CR1L: variants seen among roughly 807,000 people sequenced by gnomAD.
The protein encoded by CR1L is complement component receptor 1-like protein.
Under a neutral mutation model 62.3 loss-of-function variants are expected in CR1L, and 59 were observed. The ratio of observed to expected loss-of-function variants is 0.95; its 90% CI spans 0.77 to 1.18. The LOEUF (loss-of-function observed/expected upper bound fraction) is 1.18. Ranked by LOEUF, CR1L falls within the 50% of genes most tolerant of loss-of-function variation. The pLI is 0.00. For missense variants in CR1L, 700 were observed against 702.8 expected (o/e 1.00, Z 0.04); for synonymous variants, 279 against 248.7 (o/e 1.12, Z -1.15).
chr1:207,671,669 A>G (rs559251652), intron 1 of CR1L, among the ~76,000 whole-genome samples: 1 of 151,062 alleles, frequency 6.6e-6, no homozygotes, highest in Non-Finnish European at 1.5e-5. Context: ...GCTCACACCT[A>G]TAATCCCAGC....
chr1:207,705,233 G>C (rs1279669643), intron 9 of CR1L, among the ~76,000 whole-genome samples: 2 of 152,144 alleles, frequency 1.3e-5, no homozygotes, highest in African/African-American at 4.8e-5. Flanking sequence ...ATTGGATTAG[G>C]GCCTACCTTA....
chr1:207,693,273 AT>A (rs1664023805), intron 4 of CR1L, among the ~76,000 whole-genome samples: 1 of 152,058 alleles, frequency 6.6e-6, no homozygotes, highest in South Asian at 2.1e-4. Context: ...CTGTGCCACT[AT>A]TCCTGGCTAA....
intron 9 of CR1L, among the ~76,000 whole-genome samples, chr1:207,706,601 C>A (rs1413752475): frequency 6.6e-6 from 1 of 151,870 alleles, no homozygotes; most frequent in South Asian, 2.1e-4. Context: ...ATGTAATACC[C>A]GCAAAAGAAA....
At chr1:207,647,711 T>C (rs993714619) in intron 1 of CR1L, among the ~76,000 whole-genome samples, 1 of 152,172 alleles carries the variant, frequency 6.6e-6, no homozygotes, top group South Asian at 2.1e-4. Context: ...ATGCTCAGGA[T>C]GGTCTTTCTG....
intron 9 of CR1L, among the ~76,000 whole-genome samples, chr1:207,706,248 C>T (rs1342007914): frequency 3.3e-5 from 5 of 151,534 alleles, no homozygotes; most frequent in African/African-American, 1.2e-4. Flanking sequence ...GGCAAAACCC[C>T]ATCTCTACAA....
chr1:207,656,549 C>G (rs1359175386), intron 1 of CR1L, among the ~76,000 whole-genome samples: 1 of 151,926 alleles, frequency 6.6e-6, no homozygotes, highest in Non-Finnish European at 1.5e-5. Context: ...TTAATTGGCT[C>G]GTGATTCTAC....
chr1:207,685,299 G>T (rs537109367), intron 4 of CR1L, among the ~76,000 whole-genome samples: 2 of 152,320 alleles, frequency 1.3e-5, no homozygotes, highest in East Asian at 3.9e-4. Context: ...TTCCTCAAGA[G>T]AATCCAGTCT....
chr1:207,720,380 G>T (rs550030614), intron 11 of CR1L, among the ~76,000 whole-genome samples: 1 of 152,290 alleles, frequency 6.6e-6, no homozygotes, highest in South Asian at 2.1e-4. Flanking sequence ...GGGATAGATT[G>T]CTTAAGATAC....
intron 9 of CR1L, among the ~76,000 whole-genome samples, chr1:207,703,631 A>C (rs1388452157): frequency 6.6e-6 from 1 of 152,236 alleles, no homozygotes; most frequent in Non-Finnish European, 1.5e-5. Flanking sequence ...TCTGCAGCCC[A>C]TGGCTGAGCA....
intron 10 of CR1L, chr1:207,708,867 T>A (rs1222145032): frequency 2.5e-6 from 1 of 406,812 alleles, no homozygotes; most frequent in Non-Finnish European, 4.9e-6. Flanking sequence ...GGAACAAACT[T>A]TGTAGAAGGG....
intron 1 of CR1L, 99 bp downstream of exon 1, chr1:207,645,429 C>T (rs1663104973): frequency 7.4e-7 from 1 of 1,352,448 alleles, no homozygotes. Flanking sequence ...GCACGTCGTG[C>T]CTGCTTGGGA....
chr1:207,702,256 C>A (rs990345100), intron 9 of CR1L, among the ~76,000 whole-genome samples: 17 of 152,090 alleles, frequency 1.1e-4, no homozygotes, highest in African/African-American at 4.1e-4. Context: ...TGTTTGGAGT[C>A]CCTACGAACT....
chr1:207,660,895 G>A (rs142527754), intron 1 of CR1L, among the ~76,000 whole-genome samples: 4,270 of 152,192 alleles, frequency 0.028, 206 homozygotes, highest in African/African-American at 0.096. Flanking sequence ...CTTTCATTTC[G>A]TTATGTACCC....
At chr1:207,701,747 C>T (rs1401193696) in intron 9 of CR1L, 129 bp downstream of exon 9, 1 of 1,226,014 alleles carries the variant, frequency 8.2e-7, no homozygotes, top group African/African-American at 1.5e-5. Flanking sequence ...GGTATTAACT[C>T]CTGATTGAAA....
At chr1:207,694,780 C>G in intron 5 of CR1L, 29 bp downstream of exon 5, 1 of 1,611,744 alleles carries the variant, frequency 6.2e-7, no homozygotes. Context: ...TAGAAGGGCC[C>G]TGCCAGTGAC....
chr1:207,657,562 A>G (rs1663336117), intron 1 of CR1L, among the ~76,000 whole-genome samples: 1 of 152,128 alleles, frequency 6.6e-6, no homozygotes, highest in Non-Finnish European at 1.5e-5. Context: ...AATCTGCATG[A>G]GTTAGAAGTT....
rs1437033490 is a variant in CR1L, at chr1:207,674,733, TC to T, written c.98-2654del. On this transcript the variant is annotated intron_variant, in intron 1 of 11. Coordinates refer to ENST00000508064, the MANE Select transcript of CR1L (RefSeq NM_175710.2). ...ATACAGCTTTTGGCGCTAGGAGAGC[TC>T]CACTTGGAATCTCTTCCTTTGTCTA... 2.1e-4 allele frequency among the ~76,000 whole-genome samples: 32 copies of T among 152,370 alleles called. 2 individuals are homozygous for T. In the South Asian group the frequency reaches 5.8e-3, roughly 28 times the overall value.
At chr1:207,682,716 C>A (rs2102461249) in intron 3 of CR1L, among the ~76,000 whole-genome samples, 1 of 152,280 alleles carries the variant, frequency 6.6e-6, no homozygotes, top group African/African-American at 2.4e-5. Context: ...TTGCTTCATT[C>A]ATGTATAGTA....
intron 1 of CR1L, among the ~76,000 whole-genome samples, chr1:207,668,435 TATG>T (rs1208759814): frequency 6.6e-6 from 1 of 151,086 alleles, no homozygotes; most frequent in African/African-American, 2.5e-5. Flanking sequence ...ACAAATCCTG[TATG>T]ATATCAGTCA....
Sources: allele counts gnomAD v4.1 joint callset (sites outside exome capture counted in the v4.1 genomes callset), GRCh38; gene constraint gnomAD v4.1.1; transcripts MANE v1.5; gene names NCBI Gene and HGNC (gene_info 2026-07-23, HGNC 2026-07-21).